The following GALNT13 variants were observed in gnomAD, a reference collection of about 807,000 sequenced individuals.
GALNT13 encodes the protein polypeptide N-acetylgalactosaminyltransferase 13, also known as UDP-GalNAc:polypeptide N-acetylgalactosaminyltransferase 13.
GALNT13 carries 28 observed loss-of-function variants against 64.2 expected under a neutral mutation model. That is an observed-to-expected ratio of 0.44 (90% CI 0.32 to 0.60). The LOEUF (loss-of-function observed/expected upper bound fraction) is 0.60. Among genes scored for constraint, GALNT13 ranks in the 20% least tolerant of loss-of-function variants. GALNT13 has a pLI of 0.05. For missense variants in GALNT13, 577 were observed against 669.8 expected (o/e 0.86, Z 1.53); for synonymous variants, 214 against 224.6 (o/e 0.95, Z 0.42).
At chr2:153,337,210 T>G in the GALNT13 span, among the ~76,000 whole-genome samples, 4 of 152,208 alleles carry the variant, frequency 2.6e-5, no homozygotes, top group Non-Finnish European at 5.9e-5. Flanking sequence ...TGAGATATCA[T>G]AATTTACAAA....
chr2:154,423,993 T>C (rs1469695726), intron 11 of GALNT13, among the ~76,000 whole-genome samples: 1 of 152,076 alleles, frequency 6.6e-6, no homozygotes, highest in African/African-American at 2.4e-5. Context: ...AGATAAACAT[T>C]AGAAAAATTC....
At chr2:153,927,970 C>G (rs906765170) in intron 2 of GALNT13, among the ~76,000 whole-genome samples, 1 of 151,986 alleles carries the variant, frequency 6.6e-6, no homozygotes, top group Non-Finnish European at 1.5e-5. Flanking sequence ...ACAAATAAAA[C>G]TTTGTTTACA....
At chr2:153,875,354 T>G (rs1269882718) in intron 1 of GALNT13, among the ~76,000 whole-genome samples, 1 of 152,206 alleles carries the variant, frequency 6.6e-6, no homozygotes, top group Non-Finnish European at 1.5e-5. Flanking sequence ...CTTGATACTG[T>G]ACCCAATTTT....
the GALNT13 span, among the ~76,000 whole-genome samples, chr2:153,472,662 G>A: frequency 1.7e-4 from 26 of 152,234 alleles, no homozygotes; most frequent in Admixed American, 1.3e-3. Flanking sequence ...TTTTAGTATT[G>A]ATCATTCTAT....
At chr2:153,181,044 T>G in the GALNT13 span, among the ~76,000 whole-genome samples, 1 of 141,990 alleles carries the variant, frequency 7.0e-6, no homozygotes, top group Non-Finnish European at 1.6e-5. Context: ...TTTTTTTTTT[T>G]TTTTTGCTGT....
At chr2:154,029,411 T>C (rs1035933400) in intron 3 of GALNT13, among the ~76,000 whole-genome samples, 1 of 152,002 alleles carries the variant, frequency 6.6e-6, no homozygotes, top group Non-Finnish European at 1.5e-5. Flanking sequence ...GTGGAGCAGA[T>C]ACTGAGAAAA....
Position 154,225,160 on chromosome 2 carries a change from T to TGATAGATGATA in GALNT13, c.312-16863_312-16862insGATAGATAGAT, listed in dbSNP as rs1553499133. 7.9e-3 allele frequency among the ~76,000 whole-genome samples: 1,097 copies of TGATAGATGATA among 137,996 alleles called. 18 individuals are homozygous for TGATAGATGATA. The highest frequency in any genetic ancestry group is 0.028 in the African/African-American group (1,007 of 36,372). The allele number at this position is 137,996 out of a possible 152,430, so 90.5% of individuals were successfully genotyped here. A position where few individuals can be genotyped will look rare whatever the true frequency, so the allele number is the denominator to read the frequency against. On this transcript the variant is annotated intron_variant, in intron 4 of 12. Transcript: ENST00000392825. ...GATAGATAGATGACAGATAGATAGA[T>TGATAGATGATA]GATAGATAGATAGATAGATAGATAG...
chr2:153,934,825 T>C (rs1015346364), intron 2 of GALNT13, among the ~76,000 whole-genome samples: 1 of 152,186 alleles, frequency 6.6e-6, no homozygotes, highest in Non-Finnish European at 1.5e-5. Context: ...AACACAGTTA[T>C]GAAAAGTGGC....
chr2:154,281,617 G>A (rs1240116213), intron 8 of GALNT13, among the ~76,000 whole-genome samples: 1 of 152,094 alleles, frequency 6.6e-6, no homozygotes, highest in Non-Finnish European at 1.5e-5. Context: ...TGAGCTGCTA[G>A]GAATGGGTTT....
the GALNT13 span, among the ~76,000 whole-genome samples, chr2:153,821,632 G>T: frequency 6.6e-6 from 1 of 151,864 alleles, no homozygotes; most frequent in African/African-American, 2.4e-5. Context: ...TATATCAAGA[G>T]GTTAAAAAGA....
intron 9 of GALNT13, among the ~76,000 whole-genome samples, chr2:154,378,871 C>A (rs184030937): frequency 1.3e-3 from 197 of 152,150 alleles, no homozygotes; most frequent in Non-Finnish European, 2.5e-3. Flanking sequence ...CTTGAATGAA[C>A]AATTGATCTG....
At chr2:153,978,810 C>G (rs569466577) in intron 3 of GALNT13, among the ~76,000 whole-genome samples, 1 of 152,106 alleles carries the variant, frequency 6.6e-6, no homozygotes, top group Admixed American at 6.6e-5. Flanking sequence ...GTGGCTCACA[C>G]AGGCAGTCCC....
intron 9 of GALNT13, among the ~76,000 whole-genome samples, chr2:154,311,403 C>T (rs1352243170): frequency 6.6e-6 from 1 of 151,810 alleles, no homozygotes; most frequent in African/African-American, 2.4e-5. Context: ...CGTGATGCCC[C>T]ACAAGCCACA....
intron 4 of GALNT13, among the ~76,000 whole-genome samples, chr2:154,200,854 A>G (rs1000029285): frequency 2.0e-5 from 3 of 152,154 alleles, no homozygotes; most frequent in Non-Finnish European, 4.4e-5. Flanking sequence ...TGACTAACAT[A>G]CATGATGAGA....
At chr2:153,715,133 A>C in the GALNT13 span, among the ~76,000 whole-genome samples, 1 of 152,344 alleles carries the variant, frequency 6.6e-6, no homozygotes, top group East Asian at 1.9e-4. Flanking sequence ...CACTGGCCTC[A>C]CCTCAAAATC....
chr2:153,920,717 A>G (rs1689697225), intron 2 of GALNT13, among the ~76,000 whole-genome samples: 1 of 152,144 alleles, frequency 6.6e-6, no homozygotes, highest in Admixed American at 6.6e-5. Context: ...ATGAGAAAAT[A>G]TTTGCAAGCT....
intron 3 of GALNT13, among the ~76,000 whole-genome samples, chr2:153,973,651 C>A (rs528831178): frequency 1.5e-4 from 23 of 151,322 alleles, no homozygotes; most frequent in African/African-American, 5.6e-4. Context: ...TATGATTGAT[C>A]TGTGATTTAA....
At chr2:153,165,683 G>A in the GALNT13 span, among the ~76,000 whole-genome samples, 2 of 152,202 alleles carry the variant, frequency 1.3e-5, no homozygotes, top group Admixed American at 1.3e-4. Context: ...GCTTTGCATA[G>A]GTTGTATTTA....
At chr2:154,045,871 ACATTTTTACTGT>A (rs1461367947) in intron 3 of GALNT13, among the ~76,000 whole-genome samples, 1 of 152,222 alleles carries the variant, frequency 6.6e-6, no homozygotes, top group African/African-American at 2.4e-5. Context: ...AGGATTCACC[ACATTTTTACTGT>A]CATGGCATTA....
Sources: allele counts gnomAD v4.1 joint callset (sites outside exome capture counted in the v4.1 genomes callset), GRCh38; gene constraint gnomAD v4.1.1; transcripts MANE v1.5; gene names NCBI Gene and HGNC (gene_info 2026-07-23, HGNC 2026-07-21).